ARID5B: variants seen among roughly 807,000 people sequenced by gnomAD.
The protein encoded by ARID5B is AT-rich interaction domain 5B, also known as AT-rich interactive domain-containing protein 5B.
A neutral mutation model predicts 97.2 loss-of-function variants in ARID5B; 13 were observed. The ratio of observed to expected loss-of-function variants is 0.13; its 90% CI spans 0.09 to 0.21. The LOEUF (loss-of-function observed/expected upper bound fraction) is 0.21, where lower values mean the gene tolerates loss of function less well. Among genes scored for constraint, ARID5B ranks in the 10% least tolerant of loss-of-function variants. The probability of loss-of-function intolerance (pLI) is 1.00; values close to 1 mark genes in which losing one functional copy is unlikely to be tolerated. For synonymous variants in ARID5B, 556 were observed against 570.3 expected (o/e 0.97, Z 0.36); for missense variants, 1,210 against 1,465.3 (o/e 0.83, Z 2.84).
At chr10:62,019,677 G>C (rs543395885) in intron 4 of ARID5B, among the ~76,000 whole-genome samples, 1 of 152,278 alleles carries the variant, frequency 6.6e-6, no homozygotes, top group Non-Finnish European at 1.5e-5. Flanking sequence ...TGTAATTTTA[G>C]TTTGTGCTCT....
At chr10:61,986,018 A>T (rs1838842290) in intron 3 of ARID5B, among the ~76,000 whole-genome samples, 1 of 152,140 alleles carries the variant, frequency 6.6e-6, no homozygotes, top group Non-Finnish European at 1.5e-5. Context: ...TTTGCGTCTC[A>T]TAAAAATCAC....
At chr10:61,981,599 T>C (rs370318548) in intron 3 of ARID5B, among the ~76,000 whole-genome samples, 28 of 152,208 alleles carry the variant, frequency 1.8e-4, no homozygotes, top group African/African-American at 6.7e-4. Context: ...TTTATCTTTT[T>C]TTTCCCTGTA....
Position 62,086,709 on chromosome 10 carries a change from A to AAAAAAAAC in ARID5B, c.1398+812_1398+813insAAAACAAA, listed in dbSNP as rs778821864. 9.1e-4 allele frequency among the ~76,000 whole-genome samples: 104 copies of AAAAAAAAC among 114,022 alleles called. 8 individuals are homozygous for AAAAAAAAC. Among genetic ancestry groups the AAAAAAAAC allele is most frequent in the East Asian group, 1.6e-3 (6 of 3,804 alleles). The allele number at this position is 114,022 out of a possible 152,430, so 74.8% of individuals were successfully genotyped here. ...CCATCTCAAAAAAAAAAAAAAAAAA[A>AAAAAAAAC]AAATATCAGGCATGGTGGTGCCCCG... On this transcript the variant is annotated intron_variant, in intron 9 of 9. Coordinates refer to ENST00000279873, the MANE Select transcript of ARID5B (RefSeq NM_032199.3).
intron 4 of ARID5B, among the ~76,000 whole-genome samples, chr10:62,028,629 TTA>T (rs913197939): frequency 1.3e-5 from 2 of 152,090 alleles, no homozygotes; most frequent in Non-Finnish European, 2.9e-5. Context: ...AGGGGATATA[TTA>T]TATATATGAG....
chr10:61,943,042 A>T (rs1031496544), intron 3 of ARID5B, among the ~76,000 whole-genome samples: 1 of 152,150 alleles, frequency 6.6e-6, no homozygotes, highest in Non-Finnish European at 1.5e-5. Flanking sequence ...GTTGCTATGA[A>T]CTGTGGGGAA....
At chr10:62,042,431 G>A (rs961819284) in intron 4 of ARID5B, among the ~76,000 whole-genome samples, 7 of 152,192 alleles carry the variant, frequency 4.6e-5, no homozygotes, top group Non-Finnish European at 1.0e-4. Flanking sequence ...GGCATTTTGA[G>A]AGTCCACTTT....
intron 3 of ARID5B, among the ~76,000 whole-genome samples, chr10:61,967,760 C>T (rs1229009930): frequency 3.3e-5 from 5 of 152,136 alleles, no homozygotes; most frequent in Admixed American, 3.3e-4. Context: ...GTTAATGTCT[C>T]TCTTATGTGT....
chr10:62,019,908 C>T (rs1443382264), intron 4 of ARID5B, among the ~76,000 whole-genome samples: 1 of 152,138 alleles, frequency 6.6e-6, no homozygotes, highest in African/African-American at 2.4e-5. Context: ...GGGCTGAGCT[C>T]GTTCTGATTC....
chr10:61,943,945 ACT>A (rs1048941403), intron 3 of ARID5B, among the ~76,000 whole-genome samples: 16 of 151,958 alleles, frequency 1.1e-4, no homozygotes, highest in African/African-American at 3.6e-4. Context: ...GCTTTTTAAA[ACT>A]CTCTAGAGTT....
intron 1 of ARID5B, among the ~76,000 whole-genome samples, 186 bp from the exon 2 acceptor site, chr10:61,901,973 G>GTT (rs371641779): frequency 0.032 from 4,154 of 131,520 alleles, 88 homozygotes; most frequent in African/African-American, 0.053. Flanking sequence ...GGGGCCCTGA[G>GTT]TTTTTTTTTT....
chr10:61,986,104 C>T (rs1309813641), intron 3 of ARID5B, among the ~76,000 whole-genome samples: 2 of 152,048 alleles, frequency 1.3e-5, no homozygotes, highest in Non-Finnish European at 2.9e-5. Flanking sequence ...TGACAGGGCT[C>T]TTCTCAGAGG....
rs971725551 is a variant in ARID5B at position 62,081,435 on chromosome 10, C to T, written c.1200-4267C>T. Among the ~76,000 whole-genome samples the T allele has an allele frequency of 4.6e-5, 7 of 152,188 alleles. 1 individual carries two copies. Among genetic ancestry groups the T allele is most frequent in the African/African-American group, 1.7e-4 (7 of 41,450 alleles). On this transcript the variant is annotated intron_variant, in intron 8 of 9. Coordinates refer to ENST00000279873, the MANE Select transcript of ARID5B (RefSeq NM_032199.3). ...CAAAAGTTCAGTCATTCCATGCAAGCATTAATCAATACAGGAGACATTAGT... is the reference window on the plus strand; with the variant it reads ...CAAAAGTTCAGTCATTCCATGCAAGTATTAATCAATACAGGAGACATTAGT...
chr10:61,986,873 G>C (rs1838854225), intron 3 of ARID5B, among the ~76,000 whole-genome samples: 1 of 152,134 alleles, frequency 6.6e-6, no homozygotes. Flanking sequence ...TTTAACTACT[G>C]TTAAAGACCC....
At chr10:61,979,133 G>C (rs1287355779) in intron 3 of ARID5B, among the ~76,000 whole-genome samples, 1 of 152,186 alleles carries the variant, frequency 6.6e-6, no homozygotes, top group East Asian at 1.9e-4. Context: ...CACATGGCCT[G>C]CCAGTGGGAG....
rs11363274 is a variant in ARID5B, at chr10:62,076,561, C to CAAAAAAAAA, written c.1199+6773_1199+6781dup. On this transcript the variant is annotated intron_variant, in intron 8 of 9. Coordinates refer to ENST00000279873, the MANE Select transcript of ARID5B (RefSeq NM_032199.3). ...TGGGCTACAGAGCGAGACTCTGTCT[C>CAAAAAAAAA]AAAAAAAAAAAAAAAAACTACATCT... 2.4e-3 allele frequency among the ~76,000 whole-genome samples: 224 copies of CAAAAAAAAA among 92,670 alleles called. 11 individuals carry two copies. Among genetic ancestry groups the CAAAAAAAAA allele is most frequent in the Non-Finnish European group, 3.6e-3 (164 of 45,078 alleles). 60.8% of individuals were successfully genotyped at this position (92,670 alleles called of 152,430 possible).
chr10:62,036,490 C>T (rs1362046282), intron 4 of ARID5B, among the ~76,000 whole-genome samples: 1 of 152,182 alleles, frequency 6.6e-6, no homozygotes, highest in Non-Finnish European at 1.5e-5. Flanking sequence ...ACATTTGGGT[C>T]TGAGCAAACA....
chr10:62,010,670 T>A (rs1256248251), intron 4 of ARID5B, among the ~76,000 whole-genome samples: 1 of 152,224 alleles, frequency 6.6e-6, no homozygotes, highest in Non-Finnish European at 1.5e-5. Flanking sequence ...ATCTGGTCAG[T>A]GTCTTTAGCT....
At chr10:61,935,876 C>T (rs190481996) in intron 2 of ARID5B, among the ~76,000 whole-genome samples, 14 of 152,308 alleles carry the variant, frequency 9.2e-5, no homozygotes, top group Admixed American at 8.5e-4. Flanking sequence ...TACTGTCTAG[C>T]TTTATATAGA....
At chr10:62,061,685 A>C (rs538578868) in intron 7 of ARID5B, among the ~76,000 whole-genome samples, 1 of 152,162 alleles carries the variant, frequency 6.6e-6, no homozygotes, top group African/African-American at 2.4e-5. Flanking sequence ...TCTTTCTGGT[A>C]CTGTGTGGGC....
Sources: allele counts gnomAD v4.1 joint callset (sites outside exome capture counted in the v4.1 genomes callset), GRCh38; gene constraint gnomAD v4.1.1; transcripts MANE v1.5; gene names NCBI Gene and HGNC (gene_info 2026-07-23, HGNC 2026-07-21).